The following ZNF565 variants were observed in gnomAD, a reference collection of about 807,000 sequenced individuals.
ZNF565 encodes zinc finger protein 565.
A neutral mutation model predicts 39.4 loss-of-function variants in ZNF565; 27 were observed. That is an observed-to-expected ratio of 0.69 (90% CI 0.51 to 0.95). The LOEUF (loss-of-function observed/expected upper bound fraction) is 0.95. Ranked by LOEUF, ZNF565 falls within the 40% of genes least tolerant of loss-of-function variation. ZNF565 has a pLI of 0.00. For missense variants in ZNF565, 524 were observed against 621.1 expected (o/e 0.84, Z 1.66); for synonymous variants, 185 against 216.6 (o/e 0.85, Z 1.28).
At chr19:36,223,650 A>G (rs1479522484) in intron 1 of ZNF565, among the ~76,000 whole-genome samples, 2 of 146,948 alleles carry the variant, frequency 1.4e-5, no homozygotes, top group African/African-American at 2.5e-5. Context: ...GGCGTGAGCC[A>G]CCGCGCGTGG....
rs373871104 is a variant in ZNF565, at chr19:36,190,006, G to T, written c.232+4227C>A. On this transcript the variant is annotated intron_variant, in intron 4 of 4. Transcript: ENST00000304116. ...CTGCCACCACACATGGCTAATTTTT[G>T]TATTTTTAGTAGAGATGGGGTTTCA... Among the ~76,000 whole-genome samples the T allele has an allele frequency of 5.9e-5, 9 of 151,750 alleles. 1 individual carries two copies. The East Asian group carries it at 1.6e-3, about 27-fold the overall frequency.
intron 1 of ZNF565, among the ~76,000 whole-genome samples, chr19:36,209,083 C>G (rs1976258301): frequency 6.6e-6 from 1 of 152,082 alleles, no homozygotes; most frequent in African/African-American, 2.4e-5. Context: ...TTTCCCACCT[C>G]GACCTCCCAA....
chr19:36,244,510 C>T (rs1266635191), intron 1 of ZNF565, among the ~76,000 whole-genome samples: 3 of 150,706 alleles, frequency 2.0e-5, no homozygotes, highest in Admixed American at 2.0e-4. Context: ...TCGTGCACTC[C>T]GACCTGGGCA....
chr19:36,184,026 C>T (rs1258167385), intron 4 of ZNF565, among the ~76,000 whole-genome samples: 1 of 127,182 alleles, frequency 7.9e-6, no homozygotes, highest in Admixed American at 9.8e-5. Context: ...CGCAGTGAGC[C>T]GAGATTGCGC....
In ZNF565 at chr19:36,225,752, C is replaced by CTT. The variant is rs67760026; in HGVS notation, c.55+19722_55+19723dup. On this transcript the variant is annotated intron_variant, in intron 1 of 4. Transcript: ENST00000355114. ...CAAGCCCTGCCCCTGCTTTGTGATT[C>CTT]TTTTTTTTTTTTTTTTTTTTTTTTT... Among the ~76,000 whole-genome samples the CTT allele has an allele frequency of 6.0e-4, 40 of 66,724 alleles. 1 individual carries two copies. The highest frequency in any genetic ancestry group is 0.016 in the Middle Eastern group (1 of 62). 43.8% of individuals were successfully genotyped at this position (66,724 alleles called of 152,430 possible).
upstream of ZNF565, among the ~76,000 whole-genome samples, chr19:36,218,916 C>T (rs901489942): frequency 6.6e-6 from 1 of 151,846 alleles, no homozygotes; most frequent in African/African-American, 2.4e-5. Context: ...TCACGCCATT[C>T]TCCAGCCTTA....
At chr19:36,217,019 G>C (rs950380133), upstream of ZNF565, among the ~76,000 whole-genome samples, 2 of 149,776 alleles carry the variant, frequency 1.3e-5, no homozygotes, top group African/African-American at 2.5e-5. Context: ...AGATCCTGGC[G>C]ACAGCATTCC....
At chr19:36,220,479 T>A in intron 1 of ZNF565, among the ~76,000 whole-genome samples, 1 of 151,812 alleles carries the variant, frequency 6.6e-6, no homozygotes, top group Admixed American at 6.6e-5. Context: ...ATTCTCCTGC[T>A]TCAGCCTCCC....
chr19:36,245,753 T>A lies in ZNF565; in HGVS notation c.-223A>T. 1 of 528,482 alleles carries A rather than the reference T, an allele frequency of 1.9e-6. No individual in the cohort carries two copies. The highest frequency in any genetic ancestry group is 3.2e-5 in the East Asian group (1 of 30,808). 32.7% of individuals were successfully genotyped at this position (528,482 alleles called of 1,614,324 possible). The stretch of plus-strand genomic sequence containing the variant: ...CTGGCTCCGTCCACGGTTGTCGGGG[T>A]CCCGGGCTGCTTTTCTTGGAGGGCT... On this transcript the variant is annotated 5_prime_UTR_variant, in exon 1 of 5. Transcript: ENST00000355114. The surrounding 1 kb of genome is among the most constrained non-coding windows in gnomAD (Gnocchi z 4.4).
chr19:36,240,924 G>A (rs1001815802), intron 1 of ZNF565, among the ~76,000 whole-genome samples: 1 of 151,790 alleles, frequency 6.6e-6, no homozygotes, highest in Non-Finnish European at 1.5e-5. Flanking sequence ...TAGGATTGGT[G>A]TCATGATAAA....
chr19:36,199,923 A>C (rs1235115971), intron 2 of ZNF565, among the ~76,000 whole-genome samples: 1 of 152,100 alleles, frequency 6.6e-6, no homozygotes, highest in Non-Finnish European at 1.5e-5. Flanking sequence ...AGCCTCCCAA[A>C]GTGCTGAAAT....
chr19:36,211,416 C>G (rs1345898419), intron 1 of ZNF565, among the ~76,000 whole-genome samples: 1 of 148,734 alleles, frequency 6.7e-6, no homozygotes, highest in Non-Finnish European at 1.5e-5. Context: ...GCATTCCCAG[C>G]CTGGGCAACA....
upstream of ZNF565, among the ~76,000 whole-genome samples, chr19:36,218,910 G>A (rs1025174119): frequency 4.0e-5 from 6 of 151,648 alleles, no homozygotes; most frequent in Non-Finnish European, 7.4e-5. Context: ...CCAGGTTCAC[G>A]CCATTCTCCA....
intron 4 of ZNF565, among the ~76,000 whole-genome samples, chr19:36,186,142 A>G (rs1975290729): frequency 6.6e-6 from 1 of 152,008 alleles, no homozygotes; most frequent in Admixed American, 6.6e-5. Context: ...GATTACAGGC[A>G]TGTGCTGCCA....
At chr19:36,236,736 C>T (rs1418855931) in intron 1 of ZNF565, 1 of 1,614,116 alleles carries the variant, frequency 6.2e-7, no homozygotes, top group South Asian at 1.1e-5. Context: ...GGAGAAAAAC[C>T]TTTTGAGTGT....
In ZNF565 at chr19:36,239,283, T is replaced by C. The variant is rs548192372; in HGVS notation, c.55+6193A>G. ...TGTCAGTTTTCCTCTCCTGCATATT[T>C]CCATGGGAAACGTGTGCATTAAATA... On this transcript the variant is annotated intron_variant, in intron 1 of 4. Transcript: ENST00000355114. Among the ~76,000 whole-genome samples the C allele has an allele frequency of 1.4e-4, 21 of 152,236 alleles. No homozygotes were observed. In the South Asian group the frequency reaches 3.9e-3, roughly 29 times the overall value.
upstream of ZNF565, among the ~76,000 whole-genome samples, chr19:36,216,000 C>G (rs974156642): frequency 6.6e-6 from 1 of 152,142 alleles, no homozygotes; most frequent in Non-Finnish European, 1.5e-5. Flanking sequence ...ATGGAGAATG[C>G]TACTGACGTC....
intron 1 of ZNF565, among the ~76,000 whole-genome samples, chr19:36,229,316 C>T (rs1214241830): frequency 2.0e-5 from 3 of 152,212 alleles, no homozygotes; most frequent in Admixed American, 6.5e-5. Flanking sequence ...TACCTTTCTT[C>T]TGCTCCCATG....
Position 36,186,294 on chromosome 19 carries a change from C to T in ZNF565, c.233-2561G>A, listed in dbSNP as rs558648275. Reference sequence around the variant, plus strand: ...GATTACAGGCGTCAGCCACCATGCCCGGCAAAAACTCACACTTTCAAGAAA... The same window carrying T: ...GATTACAGGCGTCAGCCACCATGCCTGGCAAAAACTCACACTTTCAAGAAA... On this transcript the variant is annotated intron_variant, in intron 4 of 4. Coordinates refer to ENST00000304116, the MANE Select transcript of ZNF565 (RefSeq NM_152477.5). 1.2e-4 allele frequency among the ~76,000 whole-genome samples: 18 copies of T among 152,288 alleles called. No homozygotes were observed. In the South Asian group the frequency reaches 2.5e-3, roughly 21 times the overall value.
Sources: allele counts gnomAD v4.1 joint callset (sites outside exome capture counted in the v4.1 genomes callset), GRCh38; gene constraint gnomAD v4.1.1; non-coding constraint Gnocchi (gnomAD v3.1); transcripts MANE v1.5; gene names NCBI Gene and HGNC (gene_info 2026-07-23, HGNC 2026-07-21).